Variants in ADAM10 observed in about 807,000 individuals in gnomAD.
The protein encoded by ADAM10 is disintegrin and metalloproteinase domain-containing protein 10.
In ADAM10, 17 loss-of-function variants were observed where a neutral mutation model predicts 90.1. The ratio of observed to expected loss-of-function variants is 0.19; its 90% CI spans 0.13 to 0.28. The LOEUF (loss-of-function observed/expected upper bound fraction) is 0.28. ADAM10 is among the 10% of genes least tolerant of loss of function. The pLI is 1.00. For synonymous variants in ADAM10, 310 were observed against 298.6 expected (o/e 1.04, Z -0.40); for missense variants, 610 against 914.3 (o/e 0.67, Z 4.29).
At chr15:58,729,854 T>C (rs1214558483) in intron 1 of ADAM10, among the ~76,000 whole-genome samples, 2 of 151,354 alleles carry the variant, frequency 1.3e-5, no homozygotes, top group East Asian at 3.9e-4. Flanking sequence ...CCCAGCTACT[T>C]GGAAGGCTGA....
In ADAM10 at chr15:58,749,592, T is replaced by G; in HGVS notation, c.-58A>C. The G allele has an allele frequency of 6.5e-7, 1 of 1,547,300 alleles. No homozygotes were observed. The highest frequency in any genetic ancestry group is 8.7e-7 in the Non-Finnish European group (1 of 1,144,874). ...TCACGGGTTAACAGCAGCACATCGATCCGGAGGGAGAAGCTGAAGGGGCTT... is the reference window on the plus strand; with the variant it reads ...TCACGGGTTAACAGCAGCACATCGAGCCGGAGGGAGAAGCTGAAGGGGCTT... On this transcript the variant is annotated 5_prime_UTR_variant, in exon 1 of 16. Transcript: ENST00000260408.
chr15:58,713,255 C>T (rs1346783711), intron 2 of ADAM10, among the ~76,000 whole-genome samples: 1 of 152,094 alleles, frequency 6.6e-6, no homozygotes, highest in Non-Finnish European at 1.5e-5. Flanking sequence ...GCATGCACCA[C>T]CACACTTTGC....
At chr15:58,686,752 G>A in intron 2 of ADAM10, 1 of 574,756 alleles carries the variant, frequency 1.7e-6, no homozygotes, top group Non-Finnish European at 3.1e-6. Flanking sequence ...CCGTCCTATA[G>A]CCAAAATCAC....
chr15:58,748,188 C>T (rs1486975379), intron 1 of ADAM10: 2 of 152,172 alleles, frequency 1.3e-5, no homozygotes, highest in Non-Finnish European at 2.9e-5. Flanking sequence ...CAAACTATAA[C>T]AGAAGTCTGC....
At chr15:58,704,177 G>A (rs996717355) in intron 2 of ADAM10, 2 of 152,244 alleles carry the variant, frequency 1.3e-5, no homozygotes, top group South Asian at 4.1e-4. Context: ...TTCTAGCAAT[G>A]TGAGAATGGA....
chr15:58,727,163 A>G (rs191450754), intron 1 of ADAM10, among the ~76,000 whole-genome samples: 14 of 137,452 alleles, frequency 1.0e-4, no homozygotes, highest in Admixed American at 2.3e-4. Flanking sequence ...CCACCATGCC[A>G]TGCCTGACTA....
intron 5 of ADAM10, among the ~76,000 whole-genome samples, chr15:58,662,786 T>C (rs1421376433): frequency 6.6e-6 from 1 of 152,208 alleles, no homozygotes; most frequent in Non-Finnish European, 1.5e-5. Context: ...GCAACACCTG[T>C]GCAGATATCT....
chr15:58,744,004 A>G (rs1785398327), intron 1 of ADAM10, among the ~76,000 whole-genome samples: 1 of 152,226 alleles, frequency 6.6e-6, no homozygotes, highest in Admixed American at 6.5e-5. Flanking sequence ...GTATATTAGT[A>G]TAAAACCAGA....
At chr15:58,651,488 C>T (rs1383535935) in intron 5 of ADAM10, among the ~76,000 whole-genome samples, 2 of 152,152 alleles carry the variant, frequency 1.3e-5, no homozygotes, top group African/African-American at 4.8e-5. Context: ...TTAGCTCCTA[C>T]AAATAAGTGA....
chr15:58,646,248 A>T, intron 5 of ADAM10, 44 bp from the exon 6 acceptor site: 1 of 1,570,588 alleles, frequency 6.4e-7, no homozygotes, highest in Non-Finnish European at 8.7e-7. Flanking sequence ...ATGCTTCAAT[A>T]CTATCATTTT....
intron 10 of ADAM10, among the ~76,000 whole-genome samples, chr15:58,624,827 C>A (rs959275322): frequency 6.6e-6 from 1 of 152,190 alleles, no homozygotes; most frequent in African/African-American, 2.4e-5. Context: ...GCCACTCTGT[C>A]TGGCCTAAAA....
In ADAM10 at chr15:58,611,816, T is replaced by C; in HGVS notation, c.1687A>G (p.Ile563Val). The change falls in exon 12 of 16, where the codon ATT (isoleucine) becomes GTT (valine). Residue 563 changes from isoleucine to valine, a missense_variant. By Grantham distance (29) the Ile-to-Val change is conservative. Coordinates refer to ENST00000260408, the MANE Select transcript of ADAM10 (RefSeq NM_001110.4). ...TDCNRHTQVC[I>V]NGQCAGSICE... Reference sequence around the variant, plus strand: ...TATAGTTAAATGCTTACCCCATTAATGCACACTTGTGTATGCCTATTACAG... The same window carrying C: ...TATAGTTAAATGCTTACCCCATTAACGCACACTTGTGTATGCCTATTACAG... The C allele has an allele frequency of 6.2e-7, 1 of 1,614,156 alleles. No homozygotes were observed. The highest frequency in any genetic ancestry group is 8.5e-7 in the Non-Finnish European group (1 of 1,179,978).
chr15:58,679,780 T>C (rs1272259293), intron 3 of ADAM10, among the ~76,000 whole-genome samples: 2 of 152,058 alleles, frequency 1.3e-5, no homozygotes, highest in Non-Finnish European at 2.9e-5. Context: ...TGGTGGCACA[T>C]GTCTGTAAGT....
At chr15:58,696,190 A>C (rs755053791) in intron 2 of ADAM10, among the ~76,000 whole-genome samples, 1 of 151,992 alleles carries the variant, frequency 6.6e-6, no homozygotes, top group Non-Finnish European at 1.5e-5. Context: ...TCGAGAGGCT[A>C]AAATGGGAGA....
intron 14 of ADAM10, chr15:58,609,784 G>A (rs536846059): frequency 1.8e-3 from 286 of 159,418 alleles, no homozygotes; most frequent in African/African-American, 6.1e-3. Flanking sequence ...AAAAATAAGC[G>A]TTCAGTGGAT....
intron 5 of ADAM10, among the ~76,000 whole-genome samples, chr15:58,655,607 T>A (rs1003905126): frequency 6.8e-6 from 1 of 147,888 alleles, no homozygotes; most frequent in African/African-American, 2.5e-5. Flanking sequence ...ACTATATTAA[T>A]ATATATTTAC....
In ADAM10 at chr15:58,682,328, T is replaced by A; in HGVS notation, c.207-14A>T. 6.2e-7 allele frequency: 1 copy of A among 1,608,538 alleles called. No homozygotes were observed. Among genetic ancestry groups the A allele is most frequent in the Non-Finnish European group, 8.5e-7 (1 of 1,178,170 alleles). ...AGGTTGAAATGTCTGTAAAATGGGA[T>A]GGGAAGGGGGAACAACTGAAATTAA... On this transcript the variant is annotated splice_polypyrimidine_tract_variant and intron_variant, in intron 2 of 15. Transcript: ENST00000260408.
At chr15:58,709,223 C>G (rs1304627004) in intron 2 of ADAM10, among the ~76,000 whole-genome samples, 2 of 152,140 alleles carry the variant, frequency 1.3e-5, no homozygotes, top group African/African-American at 2.4e-5. Context: ...TTATAAGGAG[C>G]TTAACCACTT....
intron 10 of ADAM10, 39 bp from the exon 11 acceptor site, chr15:58,621,660 A>G (rs750961604): frequency 1.9e-6 from 3 of 1,610,944 alleles, no homozygotes; most frequent in East Asian, 4.5e-5. Context: ...CATTGTGTGC[A>G]CACATTAATT....
Sources: gnomAD v4.1 joint callset for allele counts (sites outside exome capture counted in the v4.1 genomes callset) on GRCh38, gnomAD v4.1.1 for gene constraint, MANE v1.5 for transcripts, NCBI Gene and HGNC (gene_info 2026-07-23, HGNC 2026-07-21) for gene names.